The following CNTNAP5 variants were observed in gnomAD, a reference collection of about 807,000 sequenced individuals.
CNTNAP5 encodes the protein contactin-associated protein-like 5.
CNTNAP5 carries 72 observed loss-of-function variants against 150.2 expected under a neutral mutation model. The ratio of observed to expected loss-of-function variants is 0.48; its 90% confidence interval spans 0.40 to 0.58. CNTNAP5 has a LOEUF of 0.58. Ranked by LOEUF, CNTNAP5 falls within the 20% of genes least tolerant of loss-of-function variation. The probability of loss-of-function intolerance (pLI) is 0.00; values close to 1 mark genes in which losing one functional copy is unlikely to be tolerated. For missense variants in CNTNAP5, 1,636 were observed against 1,626.2 expected (o/e 1.01, Z -0.10); for synonymous variants, 672 against 619.8 (o/e 1.08, Z -1.25).
At chr2:124,812,237 T>C (rs1315132439) in intron 19 of CNTNAP5, among the ~76,000 whole-genome samples, 3 of 143,000 alleles carry the variant, frequency 2.1e-5, no homozygotes. Context: ...GCACATTTTA[T>C]TTAAATAGTT....
intron 19 of CNTNAP5, among the ~76,000 whole-genome samples, chr2:124,811,131 CCTAT>C (rs77723301): frequency 0.27 from 41,368 of 151,836 alleles, 7,310 homozygotes; most frequent in African/African-American, 0.51. Flanking sequence ...TGGTGATAGA[CCTAT>C]ACAGAAAGCA....
chr2:124,210,505 C>G (rs1308160215), intron 1 of CNTNAP5, among the ~76,000 whole-genome samples: 1 of 152,070 alleles, frequency 6.6e-6, no homozygotes, highest in African/African-American at 2.4e-5. Context: ...TTACATAACT[C>G]TGTCCATTCC....
rs567356665 is a variant in CNTNAP5, at chr2:124,340,423, G to T, written c.382-77020G>T. 2.0e-5 allele frequency among the ~76,000 whole-genome samples: 3 copies of T among 152,204 alleles called. No individual in the cohort carries two copies. In the South Asian group the frequency reaches 6.2e-4, roughly 31 times the overall value. The stretch of plus-strand genomic sequence containing the variant: ...GTTGGGGAGCGGGGTAGGAAAATGG[G>T]ATATGTAGGCAGTTTTGAGGAGTAA... On this transcript the variant is annotated intron_variant, in intron 3 of 23. Transcript: ENST00000682447.
At chr2:124,057,989 TA>T (rs1456652975) in intron 1 of CNTNAP5, among the ~76,000 whole-genome samples, 5 of 152,094 alleles carry the variant, frequency 3.3e-5, no homozygotes, top group Non-Finnish European at 7.4e-5. Context: ...AGATTTAAAT[TA>T]TTTTTTTAAA....
rs537682685 is a variant in CNTNAP5, at chr2:124,267,022, C to G, written c.381+24629C>G. Reference sequence around the variant, plus strand: ...AGGCTTTAAAATTATTTACTGTCCTCATTATCATTAGGAAGCAGACATTAT... The same window carrying G: ...AGGCTTTAAAATTATTTACTGTCCTGATTATCATTAGGAAGCAGACATTAT... On this transcript the variant is annotated intron_variant, in intron 3 of 23. Transcript: ENST00000682447. Among the ~76,000 whole-genome samples, 4 of 150,614 alleles carry G rather than the reference C, an allele frequency of 2.7e-5. No individual in the cohort carries two copies. In the South Asian group the frequency reaches 8.4e-4, roughly 32 times the overall value.
At chr2:124,061,950 C>A (rs891171541) in intron 1 of CNTNAP5, among the ~76,000 whole-genome samples, 1 of 152,120 alleles carries the variant, frequency 6.6e-6, no homozygotes, top group African/African-American at 2.4e-5. Flanking sequence ...GCTGATTTTA[C>A]CTCCGCAATG....
At chr2:124,741,245 C>G (rs1302011517) in intron 13 of CNTNAP5, among the ~76,000 whole-genome samples, 1 of 152,120 alleles carries the variant, frequency 6.6e-6, no homozygotes, top group Non-Finnish European at 1.5e-5. Flanking sequence ...AGAGCACAGT[C>G]TGTATACATC....
intron 1 of CNTNAP5, among the ~76,000 whole-genome samples, chr2:124,035,555 T>C (rs1649748755): frequency 1.3e-5 from 2 of 152,146 alleles, no homozygotes; most frequent in Admixed American, 6.6e-5. Flanking sequence ...CACCGGGAAA[T>C]AGAGTGCACG....
At position 124,297,810 on chromosome 2, in the gene CNTNAP5, TTTATTATTATTATTATTA is replaced by T. The variant is rs138310065; in HGVS notation, c.381+55450_381+55467del. On this transcript the variant is annotated intron_variant, in intron 3 of 23. Coordinates refer to ENST00000682447, the MANE Select transcript of CNTNAP5 (RefSeq NM_001367498.1). The stretch of plus-strand genomic sequence containing the variant: ...AAGCCAGGCAATCCACATCCAATTA[TTTATTATTATTATTATTA>T]TTATTATTATTATTATTATTATTAT... Among the ~76,000 whole-genome samples, 1,223 of 126,382 alleles carry T rather than the reference TTTATTATTATTATTATTA, an allele frequency of 9.7e-3. 15 individuals are homozygous for T. Among genetic ancestry groups the T allele is most frequent in the African/African-American group, 0.032 (1,137 of 35,642 alleles). The allele number at this position is 126,382 out of a possible 152,430, so 82.9% of individuals were successfully genotyped here.
chr2:124,334,230 AT>A (rs1484411518), intron 3 of CNTNAP5, among the ~76,000 whole-genome samples: 2 of 152,110 alleles, frequency 1.3e-5, no homozygotes, highest in Admixed American at 1.3e-4. Flanking sequence ...GATGTTTTCT[AT>A]TGGTAATTTT....
At chr2:124,079,146 C>G (rs371485742) in intron 1 of CNTNAP5, among the ~76,000 whole-genome samples, 2 of 152,268 alleles carry the variant, frequency 1.3e-5, no homozygotes, top group East Asian at 3.9e-4. Flanking sequence ...GACAAAGATG[C>G]ATGATTTGGG....
chr2:124,563,360 C>T, intron 11 of CNTNAP5, 37 bp downstream of exon 11: 1 of 1,258,204 alleles, frequency 7.9e-7, no homozygotes, highest in Non-Finnish European at 1.1e-6. Context: ...GTGGCTTGGA[C>T]AAAACTCCAG....
chr2:124,718,782 A>G (rs1231924451), intron 13 of CNTNAP5, among the ~76,000 whole-genome samples: 1 of 152,018 alleles, frequency 6.6e-6, no homozygotes, highest in East Asian at 1.9e-4. Flanking sequence ...TCTCTACTAA[A>G]AAAACACAAA....
chr2:124,208,602 T>A (rs183970337), intron 1 of CNTNAP5, among the ~76,000 whole-genome samples: 8 of 152,188 alleles, frequency 5.3e-5, no homozygotes, highest in Admixed American at 5.2e-4. Context: ...AGCAGAGACA[T>A]CCATCATGGA....
At chr2:124,367,630 GC>G (rs1240241935) in intron 3 of CNTNAP5, among the ~76,000 whole-genome samples, 3 of 152,124 alleles carry the variant, frequency 2.0e-5, no homozygotes, top group Non-Finnish European at 4.4e-5. Flanking sequence ...TAAGTTACTA[GC>G]CCCTCTGGCT....
intron 7 of CNTNAP5, among the ~76,000 whole-genome samples, chr2:124,477,694 T>C (rs1284680232): frequency 6.6e-6 from 1 of 151,654 alleles, no homozygotes; most frequent in Non-Finnish European, 1.5e-5. Context: ...GTTTGGAGTC[T>C]TGGGCTATGG....
intron 2 of CNTNAP5, among the ~76,000 whole-genome samples, chr2:124,228,617 T>C (rs187512307): frequency 2.6e-3 from 391 of 152,292 alleles, no homozygotes; most frequent in Non-Finnish European, 3.3e-3. Flanking sequence ...AATTAAATAA[T>C]TGTTAAATGG....
At chr2:124,859,955 T>C (rs1181575232) in intron 19 of CNTNAP5, among the ~76,000 whole-genome samples, 1 of 151,906 alleles carries the variant, frequency 6.6e-6, no homozygotes, top group Non-Finnish European at 1.5e-5. Context: ...ATATACTTAA[T>C]GTAAATGATG....
intron 6 of CNTNAP5, among the ~76,000 whole-genome samples, chr2:124,447,322 A>T (rs920208899): frequency 3.3e-5 from 5 of 152,176 alleles, no homozygotes; most frequent in African/African-American, 1.2e-4. Context: ...AACCCATGGA[A>T]TCTAAAACCT....
Sources: allele counts gnomAD v4.1 joint callset (sites outside exome capture counted in the v4.1 genomes callset), GRCh38; gene constraint gnomAD v4.1.1; transcripts MANE v1.5; gene names NCBI Gene and HGNC (gene_info 2026-07-23, HGNC 2026-07-21).